The following HNRNPH1 variants were observed in gnomAD, a reference collection of about 807,000 sequenced individuals.
HNRNPH1 encodes heterogeneous nuclear ribonucleoprotein H.
A neutral mutation model predicts 58.6 loss-of-function variants in HNRNPH1; 4 were observed. The observed-to-expected ratio is 0.07, with a 90% CI of 0.03 to 0.16. HNRNPH1 has a LOEUF of 0.16. Among genes scored for constraint, HNRNPH1 ranks in the 10% least tolerant of loss-of-function variants. The pLI is 1.00. For missense variants in HNRNPH1, 271 were observed against 564.2 expected (o/e 0.48, Z 5.26); for synonymous variants, 192 against 189.2 (o/e 1.01, Z -0.12).
chr5:179,623,818 TATTAC>T (rs1773977390), exon 1 of HNRNPH1: 1 of 152,352 alleles, frequency 6.6e-6, no homozygotes, highest in Admixed American at 6.5e-5. Flanking sequence ...GCCGGCGGAT[TATTAC>T]ACGCTTGGGT....
In HNRNPH1 at chr5:179,617,495, A is replaced by C; in HGVS notation, c.1057+19T>G. 6.2e-7 allele frequency: 1 copy of C among 1,610,538 alleles called. No homozygotes were observed. Among genetic ancestry groups the C allele is most frequent in the Non-Finnish European group, 8.5e-7 (1 of 1,178,838 alleles). ...CACAATCACCTGTTAAGAGCCCACA[A>C]ATGCTCAATCACACTTACGCATATT... is the stretch of plus-strand genomic sequence containing the variant. On this transcript the variant is annotated intron_variant, in intron 8 of 12. Coordinates refer to ENST00000356731, the Ensembl canonical transcript of HNRNPH1.
At chr5:179,621,576 T>G in intron 1 of HNRNPH1, 179 bp from the exon 3 acceptor site, 1 of 596,850 alleles carries the variant, frequency 1.7e-6, no homozygotes, top group Non-Finnish European at 2.9e-6. Flanking sequence ...AACTCATTCC[T>G]AAGGTGATAT....
chr5:179,614,372 C>T (rs1352558046), exon 13 of HNRNPH1: 3 of 150,230 alleles, frequency 2.0e-5, no homozygotes, highest in African/African-American at 4.9e-5. Flanking sequence ...CTTAAACTTA[C>T]GTGCCTTACA....
At chr5:179,631,281 A>T (rs1187267944) in intron 2 of HNRNPH1, among the ~76,000 whole-genome samples, 2 of 152,062 alleles carry the variant, frequency 1.3e-5, no homozygotes, top group African/African-American at 4.8e-5. Context: ...TCTAGAAAGG[A>T]TCTTTAAGAT....
At chr5:179,627,129 G>GTAA, upstream of HNRNPH1, among the ~76,000 whole-genome samples, 1 of 152,140 alleles carries the variant, frequency 6.6e-6, no homozygotes, top group African/African-American at 2.4e-5. Flanking sequence ...TATTAAGGCT[G>GTAA]TTAGCCCTTA....
chr5:179,623,166 T>C lies in HNRNPH1; in HGVS notation c.-33A>G. 1 of 1,514,500 alleles carries C rather than the reference T, an allele frequency of 6.6e-7. No homozygotes were observed. Among genetic ancestry groups the C allele is most frequent in the Non-Finnish European group, 9.1e-7 (1 of 1,094,588 alleles). 93.8% of individuals were successfully genotyped at this position (1,514,500 alleles called of 1,614,324 possible). A position where few individuals can be genotyped will look rare whatever the true frequency, so the allele number is the denominator to read the frequency against. ...TACGCGGTCCGGCGTCGAAACAAACTGCAAAGCGGGGAGGACCAGAACTGA... is the reference window on the plus strand; with the variant it reads ...TACGCGGTCCGGCGTCGAAACAAACCGCAAAGCGGGGAGGACCAGAACTGA... On this transcript the variant is annotated 5_prime_UTR_variant, in exon 1 of 13. Coordinates refer to ENST00000356731, the Ensembl canonical transcript of HNRNPH1.
At chr5:179,620,137 CATT>C (rs1463467669) in intron 3 of HNRNPH1, 1 of 152,182 alleles carries the variant, frequency 6.6e-6, no homozygotes, top group Non-Finnish European at 1.5e-5. Context: ...AAAATTCTGA[CATT>C]AGGACTCGAT....
chr5:179,620,073 G>A (rs917505935), intron 3 of HNRNPH1: 2 of 152,124 alleles, frequency 1.3e-5, no homozygotes, highest in Admixed American at 6.5e-5. Context: ...ATTTAACGTT[G>A]ACAGCATTCA....
At chr5:179,627,112 A>ACGCGTGGG (rs1774467002), upstream of HNRNPH1, among the ~76,000 whole-genome samples, 1 of 152,100 alleles carries the variant, frequency 6.6e-6, no homozygotes, top group African/African-American at 2.4e-5. Context: ...CAGTTTACAG[A>ACGCGTGGG]GCTCTTTATT....
At chr5:179,616,618 A>T (rs1339681379) in intron 10 of HNRNPH1, 2 of 538,688 alleles carry the variant, frequency 3.7e-6, no homozygotes, top group Admixed American at 7.0e-5. Context: ...CTTTATACTT[A>T]GAAAATTTAA....
intron 2 of HNRNPH1, among the ~76,000 whole-genome samples, chr5:179,631,992 G>A (rs1774863954): frequency 6.6e-6 from 1 of 152,148 alleles, no homozygotes; most frequent in Non-Finnish European, 1.5e-5. Flanking sequence ...GTGGTACACT[G>A]CAAGCTGCGG....
At chr5:179,630,560 A>T (rs1452260693) in intron 2 of HNRNPH1, among the ~76,000 whole-genome samples, 6 of 152,116 alleles carry the variant, frequency 3.9e-5, no homozygotes, top group African/African-American at 7.2e-5. Context: ...ATCAAGGTAC[A>T]TTGTGCTTGG....
intron 2 of HNRNPH1, among the ~76,000 whole-genome samples, chr5:179,631,322 A>G (rs888624708): frequency 1.3e-5 from 2 of 152,218 alleles, no homozygotes; most frequent in Non-Finnish European, 2.9e-5. Flanking sequence ...TTGAGAAAAA[A>G]TGATCTAGGT....
intron 1 of HNRNPH1, chr5:179,621,906 G>T (rs1347139266): frequency 4.4e-6 from 2 of 456,036 alleles, no homozygotes; most frequent in African/African-American, 4.0e-5. Context: ...GCCAAACCCA[G>T]TGTTGCCCCC....
exon 13 of HNRNPH1, chr5:179,614,659 C>T: frequency 2.0e-6 from 1 of 499,192 alleles, no homozygotes; most frequent in East Asian, 3.3e-5. Context: ...CTGTTACATC[C>T]TAGATGAGTA....
chr5:179,615,414 A>G, intron 12 of HNRNPH1, 132 bp downstream of exon 13: 1 of 546,978 alleles, frequency 1.8e-6, no homozygotes, highest in South Asian at 2.9e-5. Flanking sequence ...AAGCTGGACT[A>G]AAGGCAACTC....
chr5:179,615,785 A>AT (rs1321271060), intron 11 of HNRNPH1, 190 bp from the exon 13 acceptor site: 16 of 515,776 alleles, frequency 3.1e-5, no homozygotes, highest in Non-Finnish European at 4.5e-5. Context: ...AAAAGACAAA[A>AT]AAGTGAACAA....
chr5:179,626,537 G>A (rs1774413557), upstream of HNRNPH1, among the ~76,000 whole-genome samples: 1 of 151,204 alleles, frequency 6.6e-6, no homozygotes, highest in Non-Finnish European at 1.5e-5. Flanking sequence ...CCAACATGGT[G>A]AAACCCCGTC....
upstream of HNRNPH1, among the ~76,000 whole-genome samples, chr5:179,628,608 C>T (rs1412896582): frequency 1.3e-5 from 2 of 151,982 alleles, no homozygotes; most frequent in African/African-American, 2.4e-5. Flanking sequence ...TGGGATTACA[C>T]GCATGAGCCA....
Sources: gnomAD v4.1 joint callset for allele counts (sites outside exome capture counted in the v4.1 genomes callset) on GRCh38, gnomAD v4.1.1 for gene constraint, MANE v1.5 for transcripts, NCBI Gene and HGNC (gene_info 2026-07-23, HGNC 2026-07-21) for gene names.